STXBP5L: variants seen among roughly 807,000 people sequenced by gnomAD.
STXBP5L encodes the protein syntaxin binding protein 5L, also known as syntaxin-binding protein 5-like.
STXBP5L carries 65 observed loss-of-function variants against 144.5 expected under a neutral mutation model. The ratio of observed to expected loss-of-function variants is 0.45; its 90% CI spans 0.37 to 0.55. The LOEUF is 0.55. Among genes scored for constraint, STXBP5L ranks in the 20% least tolerant of loss-of-function variants. The pLI is 0.00. For synonymous variants in STXBP5L, 505 were observed against 469.6 expected (o/e 1.08, Z -0.97); for missense variants, 1,298 against 1,405.5 (o/e 0.92, Z 1.22).
intron 3 of STXBP5L, among the ~76,000 whole-genome samples, chr3:120,980,397 A>G (rs1324069526): frequency 6.7e-6 from 1 of 149,592 alleles, no homozygotes; most frequent in Non-Finnish European, 1.5e-5. Context: ...TGGGTGCTCT[A>G]TGTATATAGA....
chr3:121,401,350 T>C (rs2046869301), intron 22 of STXBP5L, among the ~76,000 whole-genome samples: 1 of 151,878 alleles, frequency 6.6e-6, no homozygotes, highest in Non-Finnish European at 1.5e-5. Context: ...TCCTCAGGGA[T>C]CTAGTACTAG....
chr3:121,222,417 A>G (rs1171543554), intron 10 of STXBP5L, among the ~76,000 whole-genome samples: 1 of 152,142 alleles, frequency 6.6e-6, no homozygotes, highest in African/African-American at 2.4e-5. Context: ...TAAAATAGAA[A>G]AGGCAATTTA....
chr3:121,267,013 C>G (rs1043302404), intron 18 of STXBP5L, among the ~76,000 whole-genome samples: 1 of 151,846 alleles, frequency 6.6e-6, no homozygotes, highest in African/African-American at 2.4e-5. Context: ...TCAATGCTAT[C>G]CCCATCAAGC....
chr3:121,322,667 TTG>T (rs548957313), intron 20 of STXBP5L, among the ~76,000 whole-genome samples: 1 of 150,440 alleles, frequency 6.6e-6, no homozygotes, highest in East Asian at 2.0e-4. Context: ...CTATTTCTTT[TTG>T]TGTGTGTGTG....
chr3:120,963,989 G>T (rs548070145), intron 3 of STXBP5L, among the ~76,000 whole-genome samples: 1 of 152,034 alleles, frequency 6.6e-6, no homozygotes, highest in South Asian at 2.1e-4. Context: ...CTTCTTCCTG[G>T]CTTAGTGTTG....
chr3:120,983,790 A>G (rs373469056), intron 3 of STXBP5L, among the ~76,000 whole-genome samples: 4 of 151,696 alleles, frequency 2.6e-5, no homozygotes, highest in African/African-American at 7.3e-5. Flanking sequence ...ATTCATTCTT[A>G]TTTGCTTTCT....
chr3:121,006,111 A>C (rs528100670), intron 3 of STXBP5L, among the ~76,000 whole-genome samples: 41 of 152,052 alleles, frequency 2.7e-4, no homozygotes, highest in Middle Eastern at 3.4e-3. Flanking sequence ...TATCCTTGTT[A>C]ACTTTCTGTC....
At chr3:121,005,935 G>T (rs892956317) in intron 3 of STXBP5L, among the ~76,000 whole-genome samples, 3 of 152,098 alleles carry the variant, frequency 2.0e-5, no homozygotes, top group African/African-American at 7.2e-5. Flanking sequence ...TATGATTTCT[G>T]TTCTTTTACA....
At chr3:121,057,732 C>G (rs1030131125) in intron 5 of STXBP5L, among the ~76,000 whole-genome samples, 1 of 151,904 alleles carries the variant, frequency 6.6e-6, no homozygotes, top group East Asian at 1.9e-4. Flanking sequence ...TTTTAGTTCT[C>G]TTTCTTAAAC....
At chr3:121,232,799 A>G (rs1015438951) in intron 11 of STXBP5L, among the ~76,000 whole-genome samples, 1 of 152,162 alleles carries the variant, frequency 6.6e-6, no homozygotes, top group East Asian at 1.9e-4. Context: ...GGATTGAGGA[A>G]GGTTTTATAG....
chr3:121,105,344 C>T (rs958435431), intron 5 of STXBP5L, among the ~76,000 whole-genome samples: 2 of 151,536 alleles, frequency 1.3e-5, no homozygotes, highest in African/African-American at 2.4e-5. Flanking sequence ...TGCAGTGAGC[C>T]GAGATCACGC....
chr3:120,962,821 G>T (rs956162009), intron 3 of STXBP5L, among the ~76,000 whole-genome samples: 5 of 152,196 alleles, frequency 3.3e-5, no homozygotes, highest in Non-Finnish European at 5.9e-5. Flanking sequence ...GAAAGTCATT[G>T]GTAGCTTGAT....
intron 5 of STXBP5L, among the ~76,000 whole-genome samples, chr3:121,058,841 T>A (rs1408710897): frequency 1.3e-5 from 2 of 152,224 alleles, no homozygotes; most frequent in Non-Finnish European, 2.9e-5. Context: ...CTTGTAAATT[T>A]GTTTAAGTTC....
At chr3:121,068,951 C>A (rs1181799596) in intron 5 of STXBP5L, among the ~76,000 whole-genome samples, 1 of 152,092 alleles carries the variant, frequency 6.6e-6, no homozygotes, top group Non-Finnish European at 1.5e-5. Context: ...AAAACTAGTA[C>A]AGAGGTTTTA....
chr3:121,411,722 G>T (rs1229809617), intron 23 of STXBP5L, among the ~76,000 whole-genome samples: 7 of 152,090 alleles, frequency 4.6e-5, no homozygotes, highest in African/African-American at 1.7e-4. Context: ...TGCCTCCAGT[G>T]CAGTTGCCCT....
At chr3:121,129,204 C>A (rs2107887020) in intron 7 of STXBP5L, among the ~76,000 whole-genome samples, 1 of 152,004 alleles carries the variant, frequency 6.6e-6, no homozygotes, top group South Asian at 2.1e-4. Flanking sequence ...TGCTTAGTAG[C>A]TGGAATAATA....
At chr3:121,294,325 C>T (rs1255468653) in intron 19 of STXBP5L, among the ~76,000 whole-genome samples, 1 of 152,146 alleles carries the variant, frequency 6.6e-6, no homozygotes, top group Non-Finnish European at 1.5e-5. Context: ...AAAGATTATT[C>T]CCAGATTTTG....
chr3:121,074,520 G>A (rs1188809251), intron 5 of STXBP5L, among the ~76,000 whole-genome samples: 1 of 152,144 alleles, frequency 6.6e-6, no homozygotes, highest in Non-Finnish European at 1.5e-5. Context: ...GATTCACACT[G>A]GGTAAGTGCC....
chr3:121,335,863 AGATTTCAT>A (rs1301504088), intron 20 of STXBP5L, among the ~76,000 whole-genome samples: 1 of 152,212 alleles, frequency 6.6e-6, no homozygotes, highest in African/African-American at 2.4e-5. Flanking sequence ...AAACCGGCAA[AGATTTCAT>A]GATGGAGACA....
Sources: allele counts gnomAD v4.1 joint callset (sites outside exome capture counted in the v4.1 genomes callset), GRCh38; gene constraint gnomAD v4.1.1; transcripts MANE v1.5; gene names NCBI Gene and HGNC (gene_info 2026-07-23, HGNC 2026-07-21).